Variants in GPHN observed in about 807,000 individuals in gnomAD.
GPHN encodes the protein gephyrin.
Under a neutral mutation model 95.5 loss-of-function variants are expected in GPHN, and 17 were observed. The observed-to-expected ratio is 0.18, with a 90% confidence interval of 0.12 to 0.27. The LOEUF (loss-of-function observed/expected upper bound fraction) is 0.27. GPHN is among the 10% of genes least tolerant of loss of function. The pLI is 1.00. For missense variants in GPHN, 660 were observed against 978.1 expected, an observed-to-expected ratio of 0.67 and a Z score of 4.34; for synonymous variants, 320 against 322.5, an observed-to-expected ratio of 0.99 and a Z score of 0.08.
At chr14:67,710,984 G>C in the GPHN span, among the ~76,000 whole-genome samples, 1 of 152,132 alleles carries the variant, frequency 6.6e-6, no homozygotes, top group Non-Finnish European at 1.5e-5. Context: ...CAGTGAAAAA[G>C]ATTTAACTTA....
intron 9 of GPHN, among the ~76,000 whole-genome samples, chr14:67,007,285 G>A (rs935660615): frequency 6.6e-6 from 1 of 151,996 alleles, no homozygotes. Flanking sequence ...CATGTTTCTG[G>A]GCTATGAGTT....
the GPHN span, among the ~76,000 whole-genome samples, chr14:67,390,197 A>G: frequency 1.2e-4 from 19 of 152,358 alleles, no homozygotes; most frequent in Admixed American, 3.9e-4. Context: ...AGTTTTTTAA[A>G]AAGCAAATTA....
intron 1 of GPHN, among the ~76,000 whole-genome samples, chr14:66,517,956 A>T (rs1367178251): frequency 2.0e-5 from 3 of 152,110 alleles, no homozygotes; most frequent in African/African-American, 7.2e-5. Flanking sequence ...ATAGTAAACT[A>T]AAAAGCTTTT....
chr14:67,271,115 T>A, the GPHN span: 1 of 152,246 alleles, frequency 6.6e-6, no homozygotes, highest in Non-Finnish European at 1.5e-5. Flanking sequence ...AGGAGTGGTT[T>A]GCTCATATAC....
chr14:66,632,485 C>A (rs1286651475), intron 1 of GPHN, among the ~76,000 whole-genome samples: 4 of 138,370 alleles, frequency 2.9e-5, no homozygotes, highest in East Asian at 4.2e-4. Context: ...TCTTACAATA[C>A]ATTCTTTTTT....
At chr14:67,727,316 G>T in the GPHN span, 3 of 776,678 alleles carry the variant, frequency 3.9e-6, no homozygotes, top group Non-Finnish European at 4.4e-6. Context: ...TAAGGAGAAT[G>T]AAATTATGAA....
the GPHN span, among the ~76,000 whole-genome samples, chr14:67,222,263 A>T: frequency 6.6e-6 from 1 of 152,104 alleles, no homozygotes; most frequent in African/African-American, 2.4e-5. Context: ...AGCCTCTACC[A>T]GGTGATACTA....
chr14:66,681,253 G>T (rs1314950889), intron 2 of GPHN, 68 bp downstream of exon 2: 2 of 994,506 alleles, frequency 2.0e-6, no homozygotes, highest in African/African-American at 3.3e-5. Flanking sequence ...TTTCTCAAAA[G>T]AGTTTTATGT....
chr14:66,850,077 C>T (rs1305903325), intron 4 of GPHN, among the ~76,000 whole-genome samples: 1 of 151,980 alleles, frequency 6.6e-6, no homozygotes, highest in East Asian at 1.9e-4. Flanking sequence ...TTCTAACTAT[C>T]CTTTTCTTAT....
chr14:67,128,388 C>T (rs1442369195), intron 17 of GPHN, among the ~76,000 whole-genome samples: 4 of 152,078 alleles, frequency 2.6e-5, no homozygotes, highest in Non-Finnish European at 5.9e-5. Flanking sequence ...TCCCGAGTAG[C>T]TGAGACGACA....
chr14:67,393,139 G>T, the GPHN span: 5 of 1,597,416 alleles, frequency 3.1e-6, no homozygotes, highest in South Asian at 1.1e-5. Flanking sequence ...GGCCCTGGGG[G>T]ACAGGCTCAC....
intron 1 of GPHN, among the ~76,000 whole-genome samples, chr14:66,666,519 A>G (rs2065969230): frequency 6.6e-6 from 1 of 152,136 alleles, no homozygotes; most frequent in Non-Finnish European, 1.5e-5. Context: ...AAACAGAACT[A>G]AAGACCAAAA....
the GPHN span, chr14:67,347,502 C>CTTTTT: frequency 7.2e-6 from 8 of 1,112,642 alleles, no homozygotes; most frequent in South Asian, 1.5e-5. Flanking sequence ...TAAGTTCTCT[C>CTTTTT]TTTTTTTTTT....
intron 1 of GPHN, among the ~76,000 whole-genome samples, chr14:66,595,735 C>G (rs910023953): frequency 2.0e-5 from 3 of 152,198 alleles, no homozygotes; most frequent in African/African-American, 4.8e-5. Flanking sequence ...GGTGTCACAG[C>G]TCTGGCTTGG....
At chr14:67,009,500 A>G (rs970724280) in intron 9 of GPHN, among the ~76,000 whole-genome samples, 1 of 152,050 alleles carries the variant, frequency 6.6e-6, no homozygotes, top group African/African-American at 2.4e-5. Flanking sequence ...ACATAACGTT[A>G]ATGGGTCTAG....
At chr14:66,528,794 C>A (rs897753297) in intron 1 of GPHN, among the ~76,000 whole-genome samples, 2 of 152,180 alleles carry the variant, frequency 1.3e-5, no homozygotes, top group African/African-American at 4.8e-5. Flanking sequence ...TATTGGCCCC[C>A]ACTGTCTTCT....
the GPHN span, chr14:67,580,255 C>A: frequency 1.5e-5 from 3 of 194,544 alleles, no homozygotes; most frequent in Middle Eastern, 2.0e-3. Context: ...TGGTACCCAG[C>A]ACCTCACTTT....
At chr14:66,527,384 A>G (rs1335328705) in intron 1 of GPHN, among the ~76,000 whole-genome samples, 7 of 134,896 alleles carry the variant, frequency 5.2e-5, no homozygotes. Context: ...TGTTTTATCT[A>G]TTTTGTTGAT....
intron 3 of GPHN, among the ~76,000 whole-genome samples, chr14:66,794,164 G>A (rs1464266574): frequency 2.6e-5 from 4 of 152,134 alleles, no homozygotes; most frequent in Admixed American, 6.5e-5. Flanking sequence ...TGGAGGTGGG[G>A]CCTGGTGGGA....
Sources: allele counts gnomAD v4.1 joint callset (sites outside exome capture counted in the v4.1 genomes callset), GRCh38; gene constraint gnomAD v4.1.1; transcripts MANE v1.5; gene names NCBI Gene and HGNC (gene_info 2026-07-23, HGNC 2026-07-21).